Variants in CACNA2D3 observed in about 807,000 individuals in gnomAD.
The protein encoded by CACNA2D3 is calcium voltage-gated channel auxiliary subunit alpha2delta 3.
Under a neutral mutation model 160.6 loss-of-function variants are expected in CACNA2D3, and 60 were observed. That is an observed-to-expected ratio of 0.37 (90% CI 0.30 to 0.46). The LOEUF (loss-of-function observed/expected upper bound fraction) is 0.46, where lower values mean the gene tolerates loss of function less well. Among genes scored for constraint, CACNA2D3 ranks in the 20% least tolerant of loss-of-function variants. The pLI, the probability that CACNA2D3 is intolerant of heterozygous loss-of-function variation, is 1.00. For missense variants in CACNA2D3, 1,205 were observed against 1,365.0 expected (o/e 0.88, Z 1.85); for synonymous variants, 558 against 492.9 (o/e 1.13, Z -1.75).
intron 4 of CACNA2D3, among the ~76,000 whole-genome samples, chr3:54,479,410 T>C (rs1354123725): frequency 1.3e-5 from 2 of 152,160 alleles, no homozygotes; most frequent in Non-Finnish European, 2.9e-5. Flanking sequence ...TTGGGACATA[T>C]CCCCTGAGAA....
chr3:54,851,605 G>A (rs1385457515), intron 17 of CACNA2D3, among the ~76,000 whole-genome samples: 1 of 152,158 alleles, frequency 6.6e-6, no homozygotes, highest in Non-Finnish European at 1.5e-5. Flanking sequence ...GACCAGTACC[G>A]AGGTAATCAT....
At chr3:54,332,123 G>A (rs936626004) in intron 3 of CACNA2D3, among the ~76,000 whole-genome samples, 6 of 152,178 alleles carry the variant, frequency 3.9e-5, no homozygotes, top group African/African-American at 1.4e-4. Flanking sequence ...AGAGCATTAA[G>A]CCTTCATCAA....
intron 4 of CACNA2D3, among the ~76,000 whole-genome samples, chr3:54,390,909 A>G (rs909651203): frequency 1.3e-5 from 2 of 152,188 alleles, no homozygotes; most frequent in African/African-American, 4.8e-5. Flanking sequence ...AAAAAATTTC[A>G]GACTACCATC....
intron 2 of CACNA2D3, among the ~76,000 whole-genome samples, chr3:54,147,185 T>G (rs1192632331): frequency 6.6e-6 from 1 of 152,206 alleles, no homozygotes; most frequent in African/African-American, 2.4e-5. Flanking sequence ...TGGCTGTCAC[T>G]TGGGTGTGTG....
Position 54,350,968 on chromosome 3 carries a change from GTTTTTTTTTTTTTGTTTGTTTTTTTT to G in CACNA2D3, c.321+30423_321+30448del, listed in dbSNP as rs1429032354. Reference sequence around the variant, plus strand: ...GCTTGGATTTTGAGATCTTGAGTCTGTTTTTTTTTTTTTGTTTGTTTTTTTTTTTTTTTTTTTTGAGACAGAGTCTC... The same window carrying G: ...GCTTGGATTTTGAGATCTTGAGTCTGTTTTTTTTTTTTGAGACAGAGTCTC... On this transcript the variant is annotated intron_variant, in intron 3 of 37. Transcript: ENST00000474759. Among the ~76,000 whole-genome samples the G allele has an allele frequency of 3.7e-3, 206 of 56,136 alleles. 3 individuals are homozygous for G. Among genetic ancestry groups the G allele is most frequent in the African/African-American group, 0.013 (196 of 15,658 alleles). The allele number at this position is 56,136 out of a possible 152,430, so 36.8% of individuals were successfully genotyped here. A position where few individuals can be genotyped will look rare whatever the true frequency, so the allele number is the denominator to read the frequency against.
At chr3:54,321,281 C>G (rs1465361713) in intron 3 of CACNA2D3, among the ~76,000 whole-genome samples, 3 of 151,364 alleles carry the variant, frequency 2.0e-5, no homozygotes, top group Non-Finnish European at 4.4e-5. Flanking sequence ...GATCGCGCCA[C>G]TGCACTCCAG....
intron 2 of CACNA2D3, among the ~76,000 whole-genome samples, chr3:54,291,541 C>A (rs75611726): frequency 0.014 from 2,073 of 152,072 alleles, 41 homozygotes; most frequent in East Asian, 0.064. Flanking sequence ...AGCCTGTAAT[C>A]TTTTTTTTAA....
At chr3:54,319,354 A>C (rs1703939834) in intron 2 of CACNA2D3, among the ~76,000 whole-genome samples, 1 of 152,134 alleles carries the variant, frequency 6.6e-6, no homozygotes, top group Admixed American at 6.5e-5. Context: ...ACTAACTCTT[A>C]AGGTCTCTAG....
chr3:54,197,261 A>G (rs1373416967), intron 2 of CACNA2D3: 1 of 152,170 alleles, frequency 6.6e-6, no homozygotes, highest in Non-Finnish European at 1.5e-5. Context: ...AGAACTATGG[A>G]AAATGTCATG....
rs960982685 is a variant in CACNA2D3, at chr3:54,799,424, A to G, written c.1381-17429A>G. Among the ~76,000 whole-genome samples, 5 of 152,226 alleles carry G rather than the reference A, an allele frequency of 3.3e-5. No individual in the cohort carries two copies. In the East Asian group the frequency reaches 9.7e-4, roughly 29 times the overall value. On this transcript the variant is annotated intron_variant, in intron 13 of 37. Coordinates refer to ENST00000474759, the MANE Select transcript of CACNA2D3 (RefSeq NM_018398.3). ...GAAGATTTTGTTCACTTTCCAATGA[A>G]CAAAGTGTATGTGTTGGGGGAAGTT...
At chr3:54,708,475 A>G (rs1363760170) in intron 11 of CACNA2D3, among the ~76,000 whole-genome samples, 2 of 152,186 alleles carry the variant, frequency 1.3e-5, no homozygotes, top group East Asian at 1.9e-4. Flanking sequence ...GGAGTTGAAC[A>G]GGATCCTTTT....
At chr3:54,832,752 T>C (rs973203491) in intron 14 of CACNA2D3, among the ~76,000 whole-genome samples, 1 of 152,230 alleles carries the variant, frequency 6.6e-6, no homozygotes. Flanking sequence ...CTTTCTCCCT[T>C]AGCAGACTTG....
At chr3:54,489,575 G>T (rs965095856) in intron 4 of CACNA2D3, among the ~76,000 whole-genome samples, 1 of 152,212 alleles carries the variant, frequency 6.6e-6, no homozygotes, top group Non-Finnish European at 1.5e-5. Context: ...AATCTGGGTG[G>T]TTATAAACTC....
chr3:54,411,970 G>T (rs187076693), intron 4 of CACNA2D3, among the ~76,000 whole-genome samples: 6 of 152,196 alleles, frequency 3.9e-5, no homozygotes, highest in African/African-American at 1.2e-4. Context: ...ACTTCATAAG[G>T]AGAGTTCCTT....
chr3:54,351,340 T>C (rs982844285), intron 3 of CACNA2D3, among the ~76,000 whole-genome samples: 2 of 152,160 alleles, frequency 1.3e-5, no homozygotes, highest in Non-Finnish European at 2.9e-5. Flanking sequence ...CATTGGTGGC[T>C]TCCTGCTGCT....
chr3:54,896,274 G>A (rs944622122), intron 25 of CACNA2D3, among the ~76,000 whole-genome samples: 1 of 152,154 alleles, frequency 6.6e-6, no homozygotes, highest in East Asian at 1.9e-4. Flanking sequence ...CTCAGTGTGG[G>A]CTCACATTTA....
chr3:54,716,139 A>G (rs146901025), intron 11 of CACNA2D3, among the ~76,000 whole-genome samples: 64 of 152,328 alleles, frequency 4.2e-4, no homozygotes, highest in African/African-American at 1.5e-3. Flanking sequence ...AAATAATTTT[A>G]GACTAACAAG....
At chr3:54,813,278 G>A (rs147885642) in intron 13 of CACNA2D3, among the ~76,000 whole-genome samples, 1,854 of 152,304 alleles carry the variant, frequency 0.012, 35 homozygotes, top group African/African-American at 0.039. Context: ...GACCCAGCAA[G>A]GCAGAGCCTG....
chr3:54,644,621 A>T (rs1026308504), intron 11 of CACNA2D3, among the ~76,000 whole-genome samples: 3 of 152,324 alleles, frequency 2.0e-5, no homozygotes, highest in Admixed American at 6.5e-5. Context: ...TAAAAATGGG[A>T]AATGGGTTCA....
Sources: gnomAD v4.1 joint callset for allele counts (sites outside exome capture counted in the v4.1 genomes callset) on GRCh38, gnomAD v4.1.1 for gene constraint, MANE v1.5 for transcripts, NCBI Gene and HGNC (gene_info 2026-07-23, HGNC 2026-07-21) for gene names.